Variants in TCF4 observed in about 807,000 individuals in gnomAD.
TCF4 encodes SL3-3 enhancer factor 2.
TCF4 carries 3 observed loss-of-function variants against 82.1 expected under a neutral mutation model. That is an observed-to-expected ratio of 0.04 (90% CI 0.02 to 0.09). TCF4 has a LOEUF of 0.09. Ranked by LOEUF, TCF4 falls within the 10% of genes least tolerant of loss-of-function variation. TCF4 has a pLI of 1.00. For synonymous variants in TCF4, 276 were observed against 309.6 expected, an observed-to-expected ratio of 0.89 and a Z score of 1.14; for missense variants, 518 against 852.7, an observed-to-expected ratio of 0.61 and a Z score of 4.89.
intron 2 of TCF4, among the ~76,000 whole-genome samples, chr18:55,623,106 G>T (rs919012970): frequency 1.1e-4 from 17 of 152,108 alleles, no homozygotes; most frequent in Non-Finnish European, 2.9e-5. Flanking sequence ...TTAAATTTTG[G>T]TCTGAAATAC....
intron 8 of TCF4, among the ~76,000 whole-genome samples, chr18:55,346,309 G>C (rs2081169163): frequency 6.6e-6 from 1 of 152,056 alleles, no homozygotes; most frequent in East Asian, 1.9e-4. Flanking sequence ...ATTAACTAAT[G>C]TCACAAATAT....
At chr18:55,317,142 TA>T (rs925478950) in intron 8 of TCF4, among the ~76,000 whole-genome samples, 45 of 151,628 alleles carry the variant, frequency 3.0e-4, no homozygotes, top group East Asian at 7.7e-4. Context: ...TAATGAAGCA[TA>T]AAAAAAAATT....
At chr18:55,399,562 A>G (rs958677620) in intron 6 of TCF4, among the ~76,000 whole-genome samples, 1 of 152,226 alleles carries the variant, frequency 6.6e-6, no homozygotes, top group African/African-American at 2.4e-5. Context: ...GATTTTCACT[A>G]TATCACTAAT....
chr18:55,510,805 G>A (rs1417096135), intron 3 of TCF4: 11 of 1,181,246 alleles, frequency 9.3e-6, no homozygotes, highest in Middle Eastern at 3.2e-4. Flanking sequence ...GTATATATCA[G>A]TCAGTAGAAG....
chr18:55,308,660 C>T (rs1785907727), intron 8 of TCF4, among the ~76,000 whole-genome samples: 1 of 152,166 alleles, frequency 6.6e-6, no homozygotes, highest in African/African-American at 2.4e-5. Context: ...TCAAGGTCCC[C>T]ATTGTGTGCA....
chr18:55,228,378 C>A lies in TCF4; in HGVS notation c.1880-17G>T, dbSNP rs763236165. 1.2e-6 allele frequency: 2 copies of A among 1,613,318 alleles called. No homozygotes were observed. Among genetic ancestry groups the A allele is most frequent in the South Asian group, 2.2e-5 (2 of 91,080 alleles). ...GATTCCTTTCTGTGGAGGATTAAAGCACAGAACCTTTGTTTAATGCTGAGG... is the reference window on the plus strand; with the variant it reads ...GATTCCTTTCTGTGGAGGATTAAAGAACAGAACCTTTGTTTAATGCTGAGG... On this transcript the variant is annotated splice_polypyrimidine_tract_variant and intron_variant, in intron 18 of 19. Transcript: ENST00000354452.
chr18:55,596,310 A>G, intron 2 of TCF4: 1 of 267,872 alleles, frequency 3.7e-6, no homozygotes, highest in Non-Finnish European at 7.5e-6. Flanking sequence ...CTGTAAGCAG[A>G]AGCTTGGTCT....
At chr18:55,469,140 G>T (rs1049506160) in intron 3 of TCF4, among the ~76,000 whole-genome samples, 3 of 152,130 alleles carry the variant, frequency 2.0e-5, no homozygotes, top group African/African-American at 7.2e-5. Flanking sequence ...CATCTTATTT[G>T]ATTCATTCTG....
intron 1 of TCF4, 43 bp from the exon 2 acceptor site, chr18:55,587,179 A>G (rs2097656981): frequency 7.7e-7 from 1 of 1,299,614 alleles, no homozygotes; most frequent in South Asian, 1.2e-5. Flanking sequence ...TCCAGTCCCA[A>G]TCCTTGGAGA....
chr18:55,601,733 G>A (rs1403714215), intron 2 of TCF4, among the ~76,000 whole-genome samples: 1 of 152,118 alleles, frequency 6.6e-6, no homozygotes, highest in Admixed American at 6.5e-5. Flanking sequence ...GCAGTGAGCC[G>A]AGATCATGCC....
At chr18:55,295,917 C>T (rs2066380425) in intron 8 of TCF4, among the ~76,000 whole-genome samples, 1 of 152,094 alleles carries the variant, frequency 6.6e-6, no homozygotes, top group Non-Finnish European at 1.5e-5. Flanking sequence ...GGAGCCTGTA[C>T]ACCCCAATCA....
At chr18:55,234,501 C>T in intron 16 of TCF4, 47 bp downstream of exon 16, 1 of 1,613,914 alleles carries the variant, frequency 6.2e-7, no homozygotes, top group Non-Finnish European at 8.5e-7. Context: ...CAACACTGGT[C>T]CTATTGTGAA....
intron 3 of TCF4, among the ~76,000 whole-genome samples, chr18:55,556,461 C>T (rs939029117): frequency 2.0e-5 from 3 of 152,158 alleles, no homozygotes; most frequent in Non-Finnish European, 4.4e-5. Flanking sequence ...TAAGCAAATG[C>T]AAATTCTCCA....
At chr18:55,274,455 G>A (rs772481391) in intron 10 of TCF4, among the ~76,000 whole-genome samples, 25 of 152,250 alleles carry the variant, frequency 1.6e-4, no homozygotes, top group Admixed American at 3.3e-4. Flanking sequence ...GGATTTTCAA[G>A]GATATCAGAA....
chr18:55,364,018 A>G (rs905248074), intron 6 of TCF4, among the ~76,000 whole-genome samples: 33 of 152,330 alleles, frequency 2.2e-4, no homozygotes, highest in Middle Eastern at 6.8e-3. Flanking sequence ...GGCAATAAAT[A>G]TATGACAAGC....
At chr18:55,542,799 C>G (rs2097175420) in intron 3 of TCF4, among the ~76,000 whole-genome samples, 1 of 151,978 alleles carries the variant, frequency 6.6e-6, no homozygotes, top group Admixed American at 6.6e-5. Flanking sequence ...CTATCACCAT[C>G]TAATCTGTAA....
At chr18:55,289,198 G>A (rs1371748935) in intron 8 of TCF4, among the ~76,000 whole-genome samples, 1 of 152,184 alleles carries the variant, frequency 6.6e-6, no homozygotes, top group Non-Finnish European at 1.5e-5. Context: ...GTGAAACCCT[G>A]ACTTCTTCCT....
At chr18:55,466,661 T>C (rs893136172) in intron 3 of TCF4, among the ~76,000 whole-genome samples, 2 of 152,336 alleles carry the variant, frequency 1.3e-5, no homozygotes, top group East Asian at 1.9e-4. Context: ...GTTTTTCTTA[T>C]GCACTTTAAG....
intron 3 of TCF4, among the ~76,000 whole-genome samples, chr18:55,564,330 A>C (rs923579054): frequency 1.3e-5 from 2 of 152,230 alleles, no homozygotes; most frequent in African/African-American, 4.8e-5. Flanking sequence ...AAAAACATTG[A>C]AGCTGGGAGA....
Sources: allele counts gnomAD v4.1 joint callset (sites outside exome capture counted in the v4.1 genomes callset), GRCh38; gene constraint gnomAD v4.1.1; transcripts MANE v1.5; gene names NCBI Gene and HGNC (gene_info 2026-07-23, HGNC 2026-07-21).